The following LMOD2 variants were observed in gnomAD, a reference collection of about 807,000 sequenced individuals.
LMOD2 encodes the protein leiomodin-2.
In LMOD2, 27 loss-of-function variants were observed where a neutral mutation model predicts 41.7. That is an observed-to-expected ratio of 0.65 (90% CI 0.48 to 0.89). LMOD2 has a LOEUF of 0.89. Among genes scored for constraint, LMOD2 ranks in the 40% least tolerant of loss-of-function variants. LMOD2 has a pLI of 0.00. For synonymous variants in LMOD2, 251 were observed against 244.6 expected (o/e 1.03, Z -0.25); for missense variants, 624 against 667.9 (o/e 0.93, Z 0.72).
chr7:123,661,833 G>C (rs766790007), intron 1 of LMOD2, 27 bp from the exon 2 acceptor site: 1 of 1,392,206 alleles, frequency 7.2e-7, no homozygotes, highest in East Asian at 2.5e-5. Flanking sequence ...TTTTTAAGAA[G>C]CTTAATGATG....
rs1333264130 is a variant in LMOD2 at position 123,656,181 on chromosome 7, G to A, written c.218G>A (p.Trp73Ter). Residue 73 changes from tryptophan (W) to a stop codon, truncating the protein, a stop_gained, in exon 1 of 3, where the codon TGG becomes TAG. Transcript: ENST00000458573. LOFTEE classifies it high-confidence loss of function. Reference protein sequence around the residue: ...TFSREALMAYWEKESQKLLEK... With the variant: ...TFSREALMAY ...AGCAGAGAGGCACTGATGGCCTATT[G>A]GGAAAAGGAGTCCCAAAAACTCTTG... 1 of 1,609,820 alleles carries A rather than the reference G, an allele frequency of 6.2e-7. No homozygotes were observed. Among genetic ancestry groups the A allele is most frequent in the Non-Finnish European group, 8.5e-7 (1 of 1,178,174 alleles).
At position 123,662,890 on chromosome 7, in the gene LMOD2, C is replaced by A; in HGVS notation, c.1304C>A (p.Ser435Tyr). 1 of 1,299,800 alleles carries A rather than the reference C, an allele frequency of 7.7e-7. No homozygotes were observed. The highest frequency in any genetic ancestry group is 1.0e-6 in the Non-Finnish European group (1 of 976,254). 80.5% of individuals were successfully genotyped at this position (1,299,800 alleles called of 1,614,324 possible). A position where few individuals can be genotyped will look rare whatever the true frequency, so the allele number is the denominator to read the frequency against. ...CCTCCTCCTCCTCCCCCTCCTTCTTCCCAAAGGCTGCCACCACCTCCTCCT... is the reference window on the plus strand; with the variant it reads ...CCTCCTCCTCCTCCCCCTCCTTCTTACCAAAGGCTGCCACCACCTCCTCCT... ...PPPPPPPPPS[S>Y]QRLPPPPPPP... The change falls in exon 2 of 3, where the codon TCC becomes TAC. Residue 435 changes from serine (S) to tyrosine (Y), a missense_variant. Ser to Tyr is a moderately radical substitution (Grantham distance 144, BLOSUM62 -2). Transcript: ENST00000458573. This position sits in a 1 kb window ranked among gnomAD's most constrained non-coding sequence, Gnocchi z 4.0.
rs1256451917 is a variant in LMOD2, at chr7:123,662,416, C to A, written c.830C>A (p.Ser277Tyr). 6.2e-7 allele frequency: 1 copy of A among 1,613,922 alleles called. No homozygotes were observed. The highest frequency in any genetic ancestry group is 1.7e-5 in the Admixed American group (1 of 60,026). The stretch of plus-strand genomic sequence containing the variant: ...CACATCACCAACGTAAACGTCGAGT[C>A]CAACTTCATAACGGGAAAGGGGATC... ...NEHITNVNVE[S>Y]NFITGKGILA... is the part of the protein sequence containing the mutation. The change falls in exon 2 of 3, where the codon TCC (serine) becomes TAC (tyrosine). Residue 277 changes from serine (S) to tyrosine (Y), a missense_variant. Physicochemically the swap from Ser to Tyr is moderately radical, Grantham distance 144. Transcript: ENST00000458573. This position sits in a 1 kb window ranked among gnomAD's most constrained non-coding sequence, Gnocchi z 4.0.
At position 123,656,183 on chromosome 7, in the gene LMOD2, G is replaced by T. The variant is rs1413191359; in HGVS notation, c.220G>T (p.Glu74Ter). Reference sequence around the variant, plus strand: ...CAGAGAGGCACTGATGGCCTATTGGGAAAAGGAGTCCCAAAAACTCTTGGA... The same window carrying T: ...CAGAGAGGCACTGATGGCCTATTGGTAAAAGGAGTCCCAAAAACTCTTGGA... ...FSREALMAYW[E>*]KESQKLLEKE... The change falls in exon 1 of 3, where the codon GAA becomes TAA. Residue 74 changes from glutamate to a stop codon, truncating the protein, a stop_gained. Transcript: ENST00000458573. LOFTEE classifies it high-confidence loss of function. 1 of 1,609,982 alleles carries T rather than the reference G, an allele frequency of 6.2e-7. No homozygotes were observed. The highest frequency in any genetic ancestry group is 2.2e-5 in the East Asian group (1 of 44,768).
Position 123,662,510 on chromosome 7 carries a change from C to T in LMOD2, c.924C>T (p.His308=), listed in dbSNP as rs1454505382. 3 of 1,613,676 alleles carry T rather than the reference C, an allele frequency of 1.9e-6. No individual in the cohort carries two copies. Among genetic ancestry groups the T allele is most frequent in the Non-Finnish European group, 8.5e-7 (1 of 1,179,874 alleles). The part of the protein sequence containing the change: ...LTELRFHNQR[H]IMGSQVEMEI... ...AGCTGCGTTTCCATAACCAGAGGCA[C>T]ATCATGGGCAGCCAGGTGGAAATGG... The change falls in exon 2 of 3, where the codon CAC becomes CAT. Residue 308 remains histidine (H), a synonymous_variant. Coordinates refer to ENST00000458573, the MANE Select transcript of LMOD2 (RefSeq NM_207163.3). The surrounding 1 kb of genome is among the most constrained non-coding windows in gnomAD (Gnocchi z 4.0).
Position 123,662,385 on chromosome 7 carries a change from A to G in LMOD2, c.799A>G (p.Asn267Asp). The G allele has an allele frequency of 1.2e-6, 2 of 1,614,014 alleles. No homozygotes were observed. Among genetic ancestry groups the G allele is most frequent in the Non-Finnish European group, 1.7e-6 (2 of 1,179,898 alleles). The change falls in exon 2 of 3, where the codon AAT becomes GAT. Residue 267 changes from asparagine to aspartate, a missense_variant. By Grantham distance (23) the Asn-to-Asp change is conservative. Coordinates refer to ENST00000458573, the MANE Select transcript of LMOD2 (RefSeq NM_207163.3). The surrounding 1 kb of genome is among the most constrained non-coding windows in gnomAD (Gnocchi z 4.0). ...GGCCATTGCAGAGATGCTCAAAGTCAATGAGCACATCACCAACGTAAACGT... is the reference window on the plus strand; with the variant it reads ...GGCCATTGCAGAGATGCTCAAAGTCGATGAGCACATCACCAACGTAAACGT... The part of the protein sequence containing the change: ...AMAIAEMLKV[N>D]EHITNVNVES...
chr7:123,655,969 T>C lies in LMOD2; in HGVS notation c.6T>C (p.Ser2=). Residue 2 remains serine, a synonymous_variant, in exon 1 of 3, where the codon TCT becomes TCC. Transcript: ENST00000458573. ...GGTCTGACAAAGCAGGGACCATGTCTACCTTTGGCTACCGAAGAGGACTCA... is the reference window on the plus strand; with the variant it reads ...GGTCTGACAAAGCAGGGACCATGTCCACCTTTGGCTACCGAAGAGGACTCA... M[S]TFGYRRGLSK... 6.2e-7 allele frequency: 1 copy of C among 1,604,188 alleles called. No individual in the cohort carries two copies. The highest frequency in any genetic ancestry group is 8.5e-7 in the Non-Finnish European group (1 of 1,176,250).
rs747141649 is a variant in LMOD2 at position 123,663,776 on chromosome 7, T to G, written c.*31T>G. 6.4e-7 allele frequency: 1 copy of G among 1,556,486 alleles called. No homozygotes were observed. Among genetic ancestry groups the G allele is most frequent in the South Asian group, 1.2e-5 (1 of 84,738 alleles). ...TGATCTTTAGAAGAGGATGCAGAACTGTTCAGTGGTATTACATGAAATGCA... is the reference window on the plus strand; with the variant it reads ...TGATCTTTAGAAGAGGATGCAGAACGGTTCAGTGGTATTACATGAAATGCA... On this transcript the variant is annotated 3_prime_UTR_variant, in exon 3 of 3. Transcript: ENST00000458573.
Position 123,662,018 on chromosome 7 carries a change from A to C in LMOD2, c.432A>C (p.Ala144=). The C allele has an allele frequency of 6.4e-7, 1 of 1,571,362 alleles. No homozygotes were observed. The highest frequency in any genetic ancestry group is 1.2e-5 in the South Asian group (1 of 85,698). ...SDEEERTIET[A]KGINGTVNYD... ...AAGAGGAAAGAACAATTGAAACTGCAAAAGGGATTAATGGAACTGTAAATT... is the reference window on the plus strand; with the variant it reads ...AAGAGGAAAGAACAATTGAAACTGCCAAAGGGATTAATGGAACTGTAAATT... Residue 144 remains alanine, a synonymous_variant, in exon 2 of 3, where the codon GCA becomes GCC. Transcript: ENST00000458573. The surrounding 1 kb of genome is among the most constrained non-coding windows in gnomAD (Gnocchi z 4.0).
intron 1 of LMOD2, among the ~76,000 whole-genome samples, chr7:123,657,688 C>G (rs1193607601): frequency 6.6e-6 from 1 of 151,542 alleles, no homozygotes; most frequent in African/African-American, 2.4e-5. Flanking sequence ...TAAAATAAAA[C>G]TGGCTGGGTA....
At chr7:123,661,546 A>T (rs904223248) in intron 1 of LMOD2, among the ~76,000 whole-genome samples, 15 of 152,232 alleles carry the variant, frequency 9.9e-5, no homozygotes, top group Non-Finnish European at 2.1e-4. Context: ...CAAATTTATC[A>T]AGGGTTTTCC....
rs764088293 is a variant in LMOD2 at position 123,662,408 on chromosome 7, C to T, written c.822C>T (p.Asn274=). Residue 274 remains asparagine (N), a synonymous_variant, in exon 2 of 3, where the codon AAC becomes AAT. Transcript: ENST00000458573. This position sits in a 1 kb window ranked among gnomAD's most constrained non-coding sequence, Gnocchi z 4.0. ...TCAATGAGCACATCACCAACGTAAA[C>T]GTCGAGTCCAACTTCATAACGGGAA... is the stretch of plus-strand genomic sequence containing the variant. ...LKVNEHITNV[N]VESNFITGKG... 1.9e-6 allele frequency: 3 copies of T among 1,613,956 alleles called. No individual in the cohort carries two copies. The highest frequency in any genetic ancestry group is 1.7e-5 in the Admixed American group (1 of 60,018).
At chr7:123,657,655 C>A (rs990493843) in intron 1 of LMOD2, among the ~76,000 whole-genome samples, 2 of 151,808 alleles carry the variant, frequency 1.3e-5, no homozygotes, top group Non-Finnish European at 2.9e-5. Flanking sequence ...ATTATCATCA[C>A]AATTATTTAA....
intron 1 of LMOD2, among the ~76,000 whole-genome samples, chr7:123,656,833 T>C (rs551380401): frequency 1.3e-5 from 2 of 152,324 alleles, no homozygotes; most frequent in East Asian, 3.9e-4. Flanking sequence ...CAGGGTTCTC[T>C]TTCCCTCTGG....
chr7:123,660,186 T>A (rs1316968189), intron 1 of LMOD2, among the ~76,000 whole-genome samples: 1 of 152,022 alleles, frequency 6.6e-6, no homozygotes, highest in Non-Finnish European at 1.5e-5. Context: ...CTTCCTCTCT[T>A]CCCTCACGTA....
intron 1 of LMOD2, among the ~76,000 whole-genome samples, chr7:123,659,828 A>G (rs1200037423): frequency 6.6e-6 from 1 of 152,172 alleles, no homozygotes; most frequent in Non-Finnish European, 1.5e-5. Flanking sequence ...TTTCTGGGAG[A>G]TCTATCATTT....
chr7:123,656,660 A>G (rs951930033), intron 1 of LMOD2, among the ~76,000 whole-genome samples: 18 of 152,220 alleles, frequency 1.2e-4, no homozygotes, highest in Non-Finnish European at 1.9e-4. Flanking sequence ...CAAAAGTGGG[A>G]ACGCTGGTTG....
At chr7:123,659,414 C>T (rs1221692619) in intron 1 of LMOD2, among the ~76,000 whole-genome samples, 10 of 152,142 alleles carry the variant, frequency 6.6e-5, no homozygotes, top group Non-Finnish European at 1.3e-4. Context: ...GACACCTTTT[C>T]CCCTTCTGTT....
chr7:123,660,669 A>G (rs948707193), intron 1 of LMOD2, among the ~76,000 whole-genome samples: 2 of 151,972 alleles, frequency 1.3e-5, no homozygotes, highest in Non-Finnish European at 2.9e-5. Context: ...TAGAGAAGAT[A>G]AAGAGAAAGG....
Sources: gnomAD v4.1 joint callset for allele counts (sites outside exome capture counted in the v4.1 genomes callset) on GRCh38, gnomAD v4.1.1 for gene constraint, Gnocchi (gnomAD v3.1) non-coding constraint, MANE v1.5 for transcripts, NCBI Gene and HGNC (gene_info 2026-07-23, HGNC 2026-07-21) for gene names.